The following HPS5 variants were observed in gnomAD, a reference collection of about 807,000 sequenced individuals.
HPS5 encodes the protein HPS5 biogenesis of lysosomal organelles complex 2 subunit 2.
Under a neutral mutation model 128.0 loss-of-function variants are expected in HPS5, and 83 were observed. The ratio of observed to expected loss-of-function variants is 0.65; its 90% CI spans 0.54 to 0.78. HPS5 has a LOEUF of 0.78. Among genes scored for constraint, HPS5 ranks in the 30% least tolerant of loss-of-function variants. HPS5 has a pLI of 0.00. For synonymous variants in HPS5, 475 were observed against 470.2 expected (o/e 1.01, Z -0.13); for missense variants, 1,281 against 1,326.2 (o/e 0.97, Z 0.53).
chr11:18,280,442 A>C lies in HPS5; in HGVS notation c.3330-500T>G, dbSNP rs1023392651. The C allele has an allele frequency of 2.4e-4, 142 of 591,010 alleles. 1 individual carries two copies. The highest frequency in any genetic ancestry group is 1.9e-3 in the African/African-American group (103 of 53,370). The allele number at this position is 591,010 out of a possible 1,614,324, so 36.6% of individuals were successfully genotyped here. The stretch of plus-strand genomic sequence containing the variant: ...GGAACTCTTGTGCACTGCTGGCAGG[A>C]AAGTAAAATGGTGCAGTCTCTACAG... On this transcript the variant is annotated intron_variant, in intron 22 of 22. Coordinates refer to ENST00000349215, the MANE Select transcript of HPS5 (RefSeq NM_181507.2).
chr11:18,308,356 C>G (rs1197320156), intron 6 of HPS5, among the ~76,000 whole-genome samples: 1 of 152,194 alleles, frequency 6.6e-6, no homozygotes, highest in East Asian at 1.9e-4. Context: ...AGACTTCCTG[C>G]TTTCCCATCT....
In HPS5 at chr11:18,292,896, C is replaced by T. The variant is rs1564942620; in HGVS notation, c.1862+3G>A. 1 of 1,609,502 alleles carries T rather than the reference C, an allele frequency of 6.2e-7. No homozygotes were observed. On this transcript the variant is annotated splice_donor_region_variant and intron_variant, in intron 15 of 22. Transcript: ENST00000349215. Reference sequence around the variant, plus strand: ...CACTATAAAAGTTTCTCATTATACTCACATTGCTTCTGCTGTTGCTACTTT... The same window carrying T: ...CACTATAAAAGTTTCTCATTATACTTACATTGCTTCTGCTGTTGCTACTTT...
chr11:18,317,676 A>G, intron 2 of HPS5, 75 bp downstream of exon 2: 1 of 1,397,326 alleles, frequency 7.2e-7, no homozygotes, highest in Admixed American at 1.9e-5. Flanking sequence ...ACAAAACGTT[A>G]AGGAACTGGA....
intron 21 of HPS5, among the ~76,000 whole-genome samples, chr11:18,283,254 G>C (rs971234446): frequency 1.3e-5 from 2 of 151,354 alleles, no homozygotes; most frequent in African/African-American, 4.9e-5. Context: ...TGCCCACCTC[G>C]GCCTCTGAAA....
intron 2 of HPS5, among the ~76,000 whole-genome samples, chr11:18,317,547 C>T (rs971771024): frequency 9.2e-5 from 14 of 152,072 alleles, no homozygotes; most frequent in Non-Finnish European, 1.5e-4. Context: ...TGAGCCACCA[C>T]GCCCAGCCTG....
chr11:18,305,636 T>C, intron 7 of HPS5, 143 bp from the exon 8 acceptor site: 1 of 585,036 alleles, frequency 1.7e-6, no homozygotes, highest in Non-Finnish European at 3.0e-6. Flanking sequence ...CTGACACTAA[T>C]CATAGGAGAG....
At chr11:18,294,230 T>C (rs1394475578) in intron 14 of HPS5, among the ~76,000 whole-genome samples, 1 of 152,234 alleles carries the variant, frequency 6.6e-6, no homozygotes, top group African/African-American at 2.4e-5. Context: ...TTGATCAACG[T>C]TGCCTAAAGA....
intron 2 of HPS5, among the ~76,000 whole-genome samples, chr11:18,317,062 C>A (rs1416120201): frequency 1.3e-5 from 2 of 151,880 alleles, no homozygotes; most frequent in African/African-American, 2.4e-5. Flanking sequence ...GACGTGGTGG[C>A]GGGCACATGT....
In HPS5 at chr11:18,310,918, A is replaced by C. The variant is rs1400699698; in HGVS notation, c.300T>G (p.Val100=). The C allele has an allele frequency of 6.2e-6, 10 of 1,614,002 alleles. No individual in the cohort carries two copies. Among genetic ancestry groups the C allele is most frequent in the African/African-American group, 1.3e-5 (1 of 74,934 alleles). ...GACGCTCTTGATTTAATTCCCAAACAACCACAAGACCTTGACTGCAAGAAT... is the reference window on the plus strand; with the variant it reads ...GACGCTCTTGATTTAATTCCCAAACCACCACAAGACCTTGACTGCAAGAAT... The part of the protein sequence containing the change: ...VAVATSQGLV[V]VWELNQERRG... Residue 100 remains valine (V), a synonymous_variant, in exon 5 of 23, where the codon GTT becomes GTG. Coordinates refer to ENST00000349215, the MANE Select transcript of HPS5 (RefSeq NM_181507.2).
intron 8 of HPS5, among the ~76,000 whole-genome samples, chr11:18,301,575 C>T (rs183994664): frequency 6.5e-4 from 99 of 151,670 alleles, no homozygotes; most frequent in African/African-American, 2.3e-3. Flanking sequence ...GGACATGATA[C>T]GGGCACATTT....
intron 8 of HPS5, 44 bp downstream of exon 8, chr11:18,305,378 A>C (rs570625803): frequency 8.0e-7 from 1 of 1,244,134 alleles, no homozygotes; most frequent in Admixed American, 1.7e-5. Context: ...TAAAAATCTA[A>C]GTATTCTTTT....
In HPS5 at chr11:18,309,003, A is replaced by G. The variant is rs762068259; in HGVS notation, c.554T>C (p.Leu185Ser). 6.2e-7 allele frequency: 1 copy of G among 1,614,014 alleles called. No homozygotes were observed. The highest frequency in any genetic ancestry group is 8.5e-7 in the Non-Finnish European group (1 of 1,179,894). ...VDSCVVQLDY[L>S]DGRLLISSLT... ...TGAAGATATAAGTAGCCTTCCATCC[A>G]AATAATCTAACTGTACAACACAGGA... is the stretch of plus-strand genomic sequence containing the variant. Residue 185 changes from leucine (L) to serine (S), a missense_variant, in exon 6 of 23, where the codon TTG (leucine) becomes TCG (serine). Physicochemically the swap from Leu to Ser is moderately radical, Grantham distance 145 (BLOSUM62 -2). Coordinates refer to ENST00000349215, the MANE Select transcript of HPS5 (RefSeq NM_181507.2).
chr11:18,293,925 T>C (rs960542727), intron 14 of HPS5, among the ~76,000 whole-genome samples: 1 of 148,494 alleles, frequency 6.7e-6, no homozygotes, highest in Admixed American at 6.7e-5. Context: ...TCAAAAAATC[T>C]GTATTTTTTC....
intron 22 of HPS5, among the ~76,000 whole-genome samples, chr11:18,281,553 C>T (rs1858964153): frequency 7.0e-6 from 1 of 142,258 alleles, no homozygotes. Context: ...GCACGTGCCA[C>T]CACACCCAGC....
chr11:18,280,293 T>C (rs11024602), intron 22 of HPS5, among the ~76,000 whole-genome samples: 69,891 of 151,974 alleles, frequency 0.46, 16,412 homozygotes, highest in Non-Finnish European at 0.51. Context: ...TCTCTAATCA[T>C]TAGAAAAATG....
chr11:18,310,725 T>C lies in HPS5; in HGVS notation c.477+16A>G, dbSNP rs1862876527. ...TGTATCTCACTACATACACAAAGAA[T>C]GGGACTGCTTCTCACCTTTGCTTGT... On this transcript the variant is annotated intron_variant, in intron 5 of 22. Coordinates refer to ENST00000349215, the MANE Select transcript of HPS5 (RefSeq NM_181507.2). The C allele has an allele frequency of 1.2e-5, 19 of 1,595,356 alleles. No individual in the cohort carries two copies. The highest frequency in any genetic ancestry group is 1.5e-5 in the Non-Finnish European group (18 of 1,164,460).
At chr11:18,309,377 G>A (rs1327305490) in intron 5 of HPS5, among the ~76,000 whole-genome samples, 1 of 152,230 alleles carries the variant, frequency 6.6e-6, no homozygotes, top group Non-Finnish European at 1.5e-5. Flanking sequence ...AGGCATGGTA[G>A]CACACATCCA....
In HPS5 at chr11:18,297,545, G is replaced by C. The variant is rs751426699; in HGVS notation, c.1323+14C>G. The C allele has an allele frequency of 6.2e-7, 1 of 1,611,208 alleles. No homozygotes were observed. ...TCTTACCCTACAAAATCCTTTAAAG[G>C]TGAGAATACTTACATGTGATGAAAT... On this transcript the variant is annotated intron_variant, in intron 11 of 22. Coordinates refer to ENST00000349215, the MANE Select transcript of HPS5 (RefSeq NM_181507.2).
At chr11:18,303,707 G>C (rs1444364373) in intron 8 of HPS5, among the ~76,000 whole-genome samples, 1 of 152,118 alleles carries the variant, frequency 6.6e-6, no homozygotes, top group Non-Finnish European at 1.5e-5. Flanking sequence ...CAAAAAATTA[G>C]CCAGGCGTGG....
Sources: allele counts gnomAD v4.1 joint callset (sites outside exome capture counted in the v4.1 genomes callset), GRCh38; gene constraint gnomAD v4.1.1; transcripts MANE v1.5; gene names NCBI Gene and HGNC (gene_info 2026-07-23, HGNC 2026-07-21).